TP63: variants seen among roughly 807,000 people sequenced by gnomAD.
TP63 encodes the protein tumor protein 63.
A neutral mutation model predicts 82.8 loss-of-function variants in TP63; 17 were observed. The observed-to-expected ratio is 0.21, with a 90% CI of 0.14 to 0.31. The LOEUF is 0.31. Ranked by LOEUF, TP63 falls within the 10% of genes least tolerant of loss-of-function variation. The pLI, the probability that TP63 is intolerant of heterozygous loss-of-function variation, is 1.00. For synonymous variants in TP63, 330 were observed against 321.7 expected (o/e 1.03, Z -0.28); for missense variants, 648 against 895.3 (o/e 0.72, Z 3.52).
chr3:189,817,914 C>G (rs973673201), intron 4 of TP63, among the ~76,000 whole-genome samples: 2 of 151,536 alleles, frequency 1.3e-5, no homozygotes, highest in African/African-American at 4.8e-5. Context: ...GAAAAATTTA[C>G]TCCATTTAAA....
At chr3:189,843,449 C>T (rs189057021) in intron 4 of TP63, among the ~76,000 whole-genome samples, 109 of 152,264 alleles carry the variant, frequency 7.2e-4, no homozygotes, top group Non-Finnish European at 1.3e-3. Flanking sequence ...GGCCCTTTGG[C>T]TGGAGCCATC....
At chr3:189,741,741 A>G (rs1443343624) in intron 3 of TP63, among the ~76,000 whole-genome samples, 1 of 152,242 alleles carries the variant, frequency 6.6e-6, no homozygotes, top group Non-Finnish European at 1.5e-5. Context: ...ACTAGCCATT[A>G]AATGGAATCA....
At chr3:189,858,932 A>G (rs747672041) in intron 4 of TP63, among the ~76,000 whole-genome samples, 16 of 152,092 alleles carry the variant, frequency 1.1e-4, no homozygotes, top group Non-Finnish European at 2.4e-4. Flanking sequence ...ATAGAAGTTG[A>G]GAGTAGAATA....
intron 3 of TP63, among the ~76,000 whole-genome samples, chr3:189,747,582 G>T (rs1467997042): frequency 1.3e-5 from 2 of 151,950 alleles, no homozygotes; most frequent in African/African-American, 4.8e-5. Flanking sequence ...TACAACAAAA[G>T]CAGTGTTAAC....
chr3:189,724,726 C>A (rs946595639), intron 1 of TP63, among the ~76,000 whole-genome samples: 2 of 152,230 alleles, frequency 1.3e-5, no homozygotes, highest in African/African-American at 4.8e-5. Context: ...GATTCAAATC[C>A]CCTCCATCTC....
the TP63 span, among the ~76,000 whole-genome samples, chr3:189,624,075 C>T: frequency 6.6e-6 from 1 of 152,000 alleles, no homozygotes; most frequent in Non-Finnish European, 1.5e-5. Context: ...TTTTACTTAC[C>T]ATTGATGTTT....
chr3:189,889,621 C>A (rs1720815499), intron 12 of TP63, 137 bp downstream of exon 12: 2 of 1,206,562 alleles, frequency 1.7e-6, no homozygotes, highest in South Asian at 1.4e-5. Context: ...ACTATTATCT[C>A]TGATCTGTGG....
At position 189,672,859 on chromosome 3, in the gene TP63, T is replaced by C. The variant is rs563231493; in HGVS notation, c.62+41282T>C. 3.9e-5 allele frequency among the ~76,000 whole-genome samples: 6 copies of C among 152,092 alleles called. No individual in the cohort carries two copies. In the East Asian group the frequency reaches 1.2e-3, roughly 29 times the overall value. On this transcript the variant is annotated intron_variant, in intron 1 of 13. Coordinates refer to ENST00000264731, the MANE Select transcript of TP63 (RefSeq NM_003722.5). Reference sequence around the variant, plus strand: ...TAATTAATACAAACAGTTAAACCTCTAGCAAGATTAATCAAAAAAAGAGGA... The same window carrying C: ...TAATTAATACAAACAGTTAAACCTCCAGCAAGATTAATCAAAAAAAGAGGA...
At chr3:189,856,605 A>G (rs1020764529) in intron 4 of TP63, among the ~76,000 whole-genome samples, 5 of 152,006 alleles carry the variant, frequency 3.3e-5, no homozygotes, top group Non-Finnish European at 7.4e-5. Flanking sequence ...ATGATCATCT[A>G]TGTAGATCGT....
At chr3:189,838,221 CTG>C (rs1018676295) in intron 4 of TP63, among the ~76,000 whole-genome samples, 1 of 152,074 alleles carries the variant, frequency 6.6e-6, no homozygotes, top group Non-Finnish European at 1.5e-5. Flanking sequence ...TTTGTTGTTG[CTG>C]TGAGTGTCTT....
chr3:189,711,523 T>C (rs1382736369), intron 1 of TP63, among the ~76,000 whole-genome samples: 1 of 152,134 alleles, frequency 6.6e-6, no homozygotes, highest in Non-Finnish European at 1.5e-5. Context: ...AAATTTTACC[T>C]GGAGGATTGG....
intron 1 of TP63, among the ~76,000 whole-genome samples, chr3:189,711,588 T>C (rs1718600627): frequency 6.6e-6 from 1 of 151,942 alleles, no homozygotes; most frequent in Non-Finnish European, 1.5e-5. Context: ...AGAGAGGGGT[T>C]TAATAGATAA....
intron 3 of TP63, among the ~76,000 whole-genome samples, chr3:189,749,569 C>T (rs80149928): frequency 0.018 from 2,800 of 152,168 alleles, 40 homozygotes; most frequent in Admixed American, 0.037. Flanking sequence ...GAAAAAGGAA[C>T]TCGTATTCAC....
intron 10 of TP63, among the ~76,000 whole-genome samples, chr3:189,876,807 A>G (rs1427824201): frequency 6.6e-6 from 1 of 152,240 alleles, no homozygotes; most frequent in Admixed American, 6.5e-5. Flanking sequence ...AAGAAAAACA[A>G]AAATCTAATT....
At chr3:189,621,272 A>G in the TP63 span, among the ~76,000 whole-genome samples, 1 of 152,074 alleles carries the variant, frequency 6.6e-6, no homozygotes. Context: ...GAAAATCTAC[A>G]TTTTCCATAC....
the TP63 span, among the ~76,000 whole-genome samples, chr3:189,602,664 T>C: frequency 7.2e-5 from 11 of 152,196 alleles, no homozygotes; most frequent in Non-Finnish European, 1.0e-4. Flanking sequence ...CTCTTTGCAC[T>C]CTGAAGCCTC....
chr3:189,647,746 A>G (rs1283136554), intron 1 of TP63, among the ~76,000 whole-genome samples: 1 of 147,122 alleles, frequency 6.8e-6, no homozygotes, highest in African/African-American at 2.5e-5. Flanking sequence ...AAAAAAAAGT[A>G]AAACAAACCT....
rs117192977 is a variant in TP63, at chr3:189,718,656, G to A, written c.63-19084G>A. ...TAACATTTAGCAGGCTAAGTGTAAA[G>A]ACCTTTATCACATCATTTAGAAATT... is the stretch of plus-strand genomic sequence containing the variant. On this transcript the variant is annotated intron_variant, in intron 1 of 13. Transcript: ENST00000264731. Among the ~76,000 whole-genome samples the A allele has an allele frequency of 9.9e-3, 1,504 of 151,672 alleles. 22 individuals carry two copies. Among genetic ancestry groups the A allele is most frequent in the East Asian group, 0.059 (302 of 5,142 alleles).
intron 1 of TP63, among the ~76,000 whole-genome samples, chr3:189,686,117 GT>G (rs1716414130): frequency 6.6e-6 from 1 of 152,148 alleles, no homozygotes; most frequent in East Asian, 1.9e-4. Context: ...GAAGAAGAGA[GT>G]GCAGAGCTGT....
Sources: gnomAD v4.1 joint callset for allele counts (sites outside exome capture counted in the v4.1 genomes callset) on GRCh38, gnomAD v4.1.1 for gene constraint, MANE v1.5 for transcripts, NCBI Gene and HGNC (gene_info 2026-07-23, HGNC 2026-07-21) for gene names.